The following MAST3 variants were observed in gnomAD, a reference collection of about 807,000 sequenced individuals.
The protein encoded by MAST3 is microtubule associated serine/threonine kinase 3, also known as microtubule-associated serine/threonine-protein kinase 3.
A neutral mutation model predicts 127.0 loss-of-function variants in MAST3; 43 were observed. The observed-to-expected ratio is 0.34, with a 90% CI of 0.27 to 0.44. MAST3 has a LOEUF of 0.44. Ranked by LOEUF, MAST3 falls within the 20% of genes least tolerant of loss-of-function variation. MAST3 has a pLI of 1.00. For missense variants in MAST3, 1,390 were observed against 1,919.1 expected (o/e 0.72, Z 5.15); for synonymous variants, 785 against 809.2 (o/e 0.97, Z 0.51).
rs1480375178 is a variant in MAST3 at position 18,144,011 on chromosome 19, A to T, written c.2584+4A>T. On this transcript the variant is annotated splice_donor_region_variant and intron_variant, in intron 22 of 27. Coordinates refer to ENST00000687212, the MANE Select transcript of MAST3 (RefSeq NM_001393504.1). This position sits in a 1 kb window ranked among gnomAD's most constrained non-coding sequence, Gnocchi z 4.0. ...CCCAAGCCCTCGAGCCTTTCTGGTA[A>T]GTGGGGCCCTGAGTAAGAGGGATGA... The T allele has an allele frequency of 6.4e-7, 1 of 1,558,110 alleles. No individual in the cohort carries two copies. Among genetic ancestry groups the T allele is most frequent in the East Asian group, 2.4e-5 (1 of 41,582 alleles).
chr19:18,145,815 GAGTC>G lies in MAST3; in HGVS notation c.3116_3119del (p.Ser1039CysfsTer14). ...GGACCTCATCACCCACATCAACGGG[GAGTC>G]AGTGCTGGGGCTGGTGCACATGGAC... On this transcript the variant is annotated frameshift_variant, in exon 25 of 28. Coordinates refer to ENST00000687212, the MANE Select transcript of MAST3 (RefSeq NM_001393504.1). LOFTEE classifies it high-confidence loss of function. The surrounding 1 kb of genome is among the most constrained non-coding windows in gnomAD (Gnocchi z 5.9). The G allele has an allele frequency of 6.3e-7, 1 of 1,593,820 alleles. No individual in the cohort carries two copies. The highest frequency in any genetic ancestry group is 8.5e-7 in the Non-Finnish European group (1 of 1,173,084).
At chr19:18,131,047 C>T (rs273496) in intron 14 of MAST3, among the ~76,000 whole-genome samples, 59,250 of 152,058 alleles carry the variant, frequency 0.39, 11,681 homozygotes, top group African/African-American at 0.42. Flanking sequence ...TACTGCCAGG[C>T]GAGAGAGCGA....
Position 18,149,192 on chromosome 19 carries a change from T to C in MAST3, c.3510T>C (p.Asp1170=), listed in dbSNP as rs768841000. ...CTGACCTACGCTTATCACCCACAGA[T>C]ACCACTGCATCCCCACCCAGCGCAT... ...CRSPAPDVPA[D]TTASPPSASP... The change falls in exon 28 of 28, where the codon GAT becomes GAC. Residue 1170 remains aspartate (D), a splice_region_variant and synonymous_variant. Transcript: ENST00000687212. This position sits in a 1 kb window ranked among gnomAD's most constrained non-coding sequence, Gnocchi z 5.9. 9.6e-5 allele frequency: 145 copies of C among 1,512,124 alleles called. No homozygotes were observed. The highest frequency in any genetic ancestry group is 1.2e-4 in the Non-Finnish European group (134 of 1,132,220). The allele number at this position is 1,512,124 out of a possible 1,614,324, so 93.7% of individuals were successfully genotyped here.
At chr19:18,141,188 G>A (rs958775681) in intron 20 of MAST3, among the ~76,000 whole-genome samples, 15 of 152,018 alleles carry the variant, frequency 9.9e-5, no homozygotes, top group Admixed American at 7.9e-4. Flanking sequence ...TTAGGCCTGG[G>A]CCCCAGGCAG....
chr19:18,118,042 C>A, intron 3 of MAST3: 10 of 920,708 alleles, frequency 1.1e-5, no homozygotes, highest in Non-Finnish European at 1.0e-5. Context: ...TCGCCGCCCC[C>A]CCATCCCCGC....
Position 18,135,552 on chromosome 19 carries a change from G to T in MAST3, c.1871-188G>T, listed in dbSNP as rs148802080. ...AGCCATAGAGACAGAAAAGAGAAAG[G>T]TGGCTCTGAGCATAGGGCACAGCTG... On this transcript the variant is annotated intron_variant, in intron 17 of 27. Transcript: ENST00000687212. Among the ~76,000 whole-genome samples the T allele has an allele frequency of 1.1e-3, 175 of 152,284 alleles. 1 individual carries two copies. The Middle Eastern group carries it at 0.014, about 12-fold the overall frequency.
chr19:18,127,016 A>G (rs2040725727), intron 11 of MAST3, among the ~76,000 whole-genome samples: 1 of 150,246 alleles, frequency 6.7e-6, no homozygotes, highest in Non-Finnish European at 1.5e-5. Context: ...TCCTGACCTC[A>G]TGATCCGCCC....
At chr19:18,118,285 C>T in intron 3 of MAST3, 2 of 982,340 alleles carry the variant, frequency 2.0e-6, no homozygotes, top group Non-Finnish European at 2.4e-6. Context: ...GAAGGCTCGG[C>T]GGCCAGCCGA....
intron 18 of MAST3, 21 bp downstream of exon 18, chr19:18,135,862 C>G (rs769668002): frequency 3.8e-6 from 6 of 1,571,238 alleles, no homozygotes; most frequent in Non-Finnish European, 5.2e-6. Flanking sequence ...TGGGGGAGAA[C>G]CCAGGTGGGT....
At chr19:18,121,238 C>G (rs1386548359) in intron 3 of MAST3, among the ~76,000 whole-genome samples, 1 of 152,086 alleles carries the variant, frequency 6.6e-6, no homozygotes, top group Non-Finnish European at 1.5e-5. Flanking sequence ...TCACGGCAGC[C>G]TTGACCTCCT....
intron 11 of MAST3, among the ~76,000 whole-genome samples, chr19:18,125,275 C>G (rs916990527): frequency 2.0e-5 from 3 of 152,204 alleles, no homozygotes; most frequent in African/African-American, 4.8e-5. Context: ...CCTCAGTGTC[C>G]TCAAATGCCA....
Position 18,134,593 on chromosome 19 carries a change from C to T in MAST3, c.1586C>T (p.Ser529Leu), listed in dbSNP as rs183075772. ...CCTGCCCACAGTCTGCTCATCACCT[C>T]GCTTGGCCACATCAAGCTCACGGAC... ...DLKPDNLLIT[S>L]LGHIKLTDFG... is the part of the protein sequence containing the mutation. Residue 529 changes from serine to leucine, a missense_variant, in exon 16 of 28, where the codon TCG becomes TTG. Around this residue, in one of 5 missense-constraint regions of MAST3, gnomAD observed 191 missense variants for 409.0 expected, o/e 0.47. Coordinates refer to ENST00000687212, the MANE Select transcript of MAST3 (RefSeq NM_001393504.1). 5.6e-5 allele frequency: 90 copies of T among 1,612,234 alleles called. 2 individuals carry two copies. In the East Asian group the frequency reaches 1.4e-3, roughly 26 times the overall value.
Position 18,147,485 on chromosome 19 carries a change from G to C in MAST3, c.3369G>C (p.Val1123=). The change falls in exon 27 of 28, where the codon GTG becomes GTC. Residue 1123 remains valine, a synonymous_variant. Coordinates refer to ENST00000687212, the MANE Select transcript of MAST3 (RefSeq NM_001393504.1). The part of the protein sequence containing the change: ...LFKKISKQTS[V]LHTSRSFSSG... ...AGAAGATCTCCAAGCAGACCTCCGT[G>C]CTGCACACCAGCCGCAGCTTCTCCT... 1 of 1,613,242 alleles carries C rather than the reference G, an allele frequency of 6.2e-7. No individual in the cohort carries two copies. The highest frequency in any genetic ancestry group is 2.2e-5 in the East Asian group (1 of 44,864).
intron 3 of MAST3, among the ~76,000 whole-genome samples, chr19:18,116,494 C>T (rs1359387703): frequency 6.7e-6 from 1 of 149,998 alleles, no homozygotes; most frequent in African/African-American, 2.4e-5. Flanking sequence ...TGGGTTTCAC[C>T]TTGTTGGCCA....
chr19:18,116,659 C>T (rs1212376795), intron 3 of MAST3, among the ~76,000 whole-genome samples: 2 of 135,086 alleles, frequency 1.5e-5, no homozygotes, highest in Admixed American at 7.3e-5. Flanking sequence ...CCTGTAATCC[C>T]GGCACTTTGG....
chr19:18,118,101 C>A lies in MAST3; in HGVS notation c.162-3584C>A, dbSNP rs2039508050. ...TCCGGCTCCGCGGGGCTCCTGGGGC[C>A]GATCCCACCGCCGAGGCCTCCCTTC... On this transcript the variant is annotated intron_variant, in intron 3 of 27. Transcript: ENST00000687212. The A allele has an allele frequency of 4.1e-6, 4 of 985,282 alleles. No individual in the cohort carries two copies. The African/African-American group carries it at 5.2e-5, about 13-fold the overall frequency. The allele number at this position is 985,282 out of a possible 1,614,324, so 61.0% of individuals were successfully genotyped here. A position where few individuals can be genotyped will look rare whatever the true frequency, so the allele number is the denominator to read the frequency against.
At chr19:18,118,055 C>T in intron 3 of MAST3, 1 of 975,274 alleles carries the variant, frequency 1.0e-6, no homozygotes, top group Non-Finnish European at 1.2e-6. Context: ...ATCCCCGCAG[C>T]CCCGTGCGCC....
chr19:18,108,703 C>T (rs1244715805), intron 2 of MAST3, among the ~76,000 whole-genome samples: 2 of 152,068 alleles, frequency 1.3e-5, no homozygotes, highest in Non-Finnish European at 2.9e-5. Context: ...TCTTAGAGAA[C>T]ATTATTGTTC....
At chr19:18,127,580 A>C (rs2040803455) in intron 11 of MAST3, among the ~76,000 whole-genome samples, 1 of 152,204 alleles carries the variant, frequency 6.6e-6, no homozygotes, top group Non-Finnish European at 1.5e-5. Context: ...GCCACTCGGG[A>C]GGCTGAGGCA....
Sources: gnomAD v4.1 joint callset for allele counts (sites outside exome capture counted in the v4.1 genomes callset) on GRCh38, gnomAD v4.1.1 for gene constraint, gnomAD v4.1.1 regional missense constraint, Gnocchi (gnomAD v3.1) non-coding constraint, MANE v1.5 for transcripts, NCBI Gene and HGNC (gene_info 2026-07-23, HGNC 2026-07-21) for gene names.